Variants in ORC1 observed in about 807,000 individuals in gnomAD.
The protein encoded by ORC1 is origin recognition complex subunit 1.
A neutral mutation model predicts 98.9 loss-of-function variants in ORC1; 61 were observed. The observed-to-expected ratio is 0.62, with a 90% confidence interval of 0.50 to 0.76. The LOEUF (loss-of-function observed/expected upper bound fraction) is 0.76, where lower values mean the gene tolerates loss of function less well. ORC1 is among the 30% of genes least tolerant of loss of function. ORC1 has a pLI of 0.00. For missense variants in ORC1, 979 were observed against 1,072.2 expected (o/e 0.91, Z 1.21); for synonymous variants, 385 against 406.9 (o/e 0.95, Z 0.65).
upstream of ORC1, chr1:52,408,533 G>A (rs774802440): frequency 6.2e-7 from 1 of 1,613,526 alleles, no homozygotes; most frequent in East Asian, 2.2e-5. Context: ...GGAACTTCTA[G>A]GATGGCCTGT....
chr1:52,393,305 C>T, intron 6 of ORC1, 138 bp downstream of exon 6: 1 of 1,144,188 alleles, frequency 8.7e-7, no homozygotes. Flanking sequence ...GCCTAGAAAT[C>T]TGTATTTTAA....
intron 6 of ORC1, among the ~76,000 whole-genome samples, chr1:52,389,910 G>C (rs929079859): frequency 2.0e-5 from 3 of 152,056 alleles, no homozygotes; most frequent in South Asian, 2.1e-4. Flanking sequence ...GAAATAAAGG[G>C]CATCCGAATT....
chr1:52,405,609 C>A, upstream of ORC1: 2 of 1,466,836 alleles, frequency 1.4e-6, no homozygotes, highest in African/African-American at 1.4e-5. Context: ...AGAACCAAAG[C>A]TTGAACTAAC....
Position 52,393,531 on chromosome 1 carries a change from C to T in ORC1, c.994G>A (p.Glu332Lys). Residue 332 changes from glutamate to lysine, a missense_variant, in exon 6 of 17, where the codon GAG (glutamate) becomes AAG (lysine). By Grantham distance (56) the Glu-to-Lys change is moderately conservative (BLOSUM62 1). Transcript: ENST00000371568. ...CTGATAGGGGTAAGTGTTCTCTCCT[C>T]TCTAATGTCTATGGTTTTCGAAGCT... ...IAASKTIDIR[E>K]ERTLTPISGG... 6.2e-7 allele frequency: 1 copy of T among 1,614,158 alleles called. No homozygotes were observed. Among genetic ancestry groups the T allele is most frequent in the East Asian group, 2.2e-5 (1 of 44,890 alleles).
intron 6 of ORC1, among the ~76,000 whole-genome samples, chr1:52,393,062 AAAC>A (rs563090391): frequency 3.0e-4 from 46 of 152,352 alleles, no homozygotes; most frequent in South Asian, 1.9e-3. Context: ...AAATAAAATG[AAAC>A]AACAACAACA....
In ORC1 at chr1:52,396,063, T is replaced by C. The variant is rs755313491; in HGVS notation, c.704A>G (p.Lys235Arg). The C allele has an allele frequency of 1.9e-6, 3 of 1,614,062 alleles. No homozygotes were observed. Among genetic ancestry groups the C allele is most frequent in the South Asian group, 1.1e-5 (1 of 91,096 alleles). ...CAACTTACTGCCAAGCTCCAGCCTC[T>C]TTCTGGCTCTTGGGGTAAGAGGATG... ...PTHPLTPRAR[K>R]RLELGNLGNP... The change falls in exon 5 of 17, where the codon AAG becomes AGG. Residue 235 changes from lysine to arginine, a missense_variant. Transcript: ENST00000371568.
At chr1:52,386,679 C>T (rs1244528765) in intron 8 of ORC1, among the ~76,000 whole-genome samples, 2 of 152,316 alleles carry the variant, frequency 1.3e-5, no homozygotes, top group East Asian at 1.9e-4. Flanking sequence ...AAAGGCTTTA[C>T]AGGCTGGTGC....
At chr1:52,405,162 G>C (rs149870124), upstream of ORC1, among the ~76,000 whole-genome samples, 54 of 152,284 alleles carry the variant, frequency 3.5e-4, no homozygotes, top group African/African-American at 1.2e-3. Flanking sequence ...GTTAAGCTCA[G>C]GGATCCGGAT....
chr1:52,382,401 A>C (rs867351895), intron 13 of ORC1, among the ~76,000 whole-genome samples: 1 of 152,224 alleles, frequency 6.6e-6, no homozygotes, highest in Non-Finnish European at 1.5e-5. Context: ...GGATCTTCAG[A>C]TCTATGCTAT....
chr1:52,375,394 G>A (rs913131011), intron 15 of ORC1, 36 bp downstream of exon 15: 1 of 1,597,670 alleles, frequency 6.3e-7, no homozygotes, highest in South Asian at 1.1e-5. Flanking sequence ...TGTTTCTACA[G>A]CCTTCCAGGA....
upstream of ORC1, chr1:52,408,869 GTGTTGGCCT>G (rs1648072252): frequency 1.6e-6 from 1 of 644,798 alleles, no homozygotes; most frequent in South Asian, 2.2e-5. Context: ...TACTAGCTTC[GTGTTGGCCT>G]TACCCAGCCT....
upstream of ORC1, among the ~76,000 whole-genome samples, chr1:52,407,491 C>T (rs146445270): frequency 3.3e-5 from 5 of 152,338 alleles, no homozygotes; most frequent in East Asian, 9.6e-4. Context: ...ATGATTTGAC[C>T]AGTAGTGTCA....
intron 6 of ORC1, among the ~76,000 whole-genome samples, chr1:52,390,110 T>C (rs1029660644): frequency 2.0e-5 from 3 of 152,196 alleles, no homozygotes; most frequent in Non-Finnish European, 4.4e-5. Flanking sequence ...ATGACCACAA[T>C]GCAAAAGCAA....
At chr1:52,404,899 G>C, upstream of ORC1, 2 of 1,612,414 alleles carry the variant, frequency 1.2e-6, no homozygotes, top group Non-Finnish European at 1.7e-6. Context: ...AGCGCGCGGA[G>C]CGCCTCTCAG....
chr1:52,386,019 G>A (rs1347311666), intron 8 of ORC1, 70 bp from the exon 9 acceptor site: 1 of 1,110,020 alleles, frequency 9.0e-7, no homozygotes, highest in Non-Finnish European at 1.4e-6. Flanking sequence ...ACCAGCAAAT[G>A]TGATTTGTGC....
At chr1:52,397,382 A>G (rs1647452399) in intron 4 of ORC1, among the ~76,000 whole-genome samples, 1 of 152,194 alleles carries the variant, frequency 6.6e-6, no homozygotes, top group Admixed American at 6.5e-5. Context: ...TCAGCCTCAC[A>G]ATGCTTTATG....
At chr1:52,396,473 A>G (rs113201291) in intron 4 of ORC1, 109 bp from the exon 5 acceptor site, 1 of 1,357,884 alleles carries the variant, frequency 7.4e-7, no homozygotes. Context: ...CTGTACCTAA[A>G]ATGTTACCTT....
intron 13 of ORC1, among the ~76,000 whole-genome samples, chr1:52,382,522 T>C (rs540544730): frequency 6.6e-6 from 1 of 151,994 alleles, no homozygotes; most frequent in Non-Finnish European, 1.5e-5. Context: ...CCTGGTTTAT[T>C]GCATTATTCC....
chr1:52,378,953 A>G (rs1647028462), intron 14 of ORC1, among the ~76,000 whole-genome samples: 1 of 151,624 alleles, frequency 6.6e-6, no homozygotes, highest in African/African-American at 2.4e-5. Flanking sequence ...GAATGGCATG[A>G]ACCCAAGAGG....
Sources: allele counts gnomAD v4.1 joint callset (sites outside exome capture counted in the v4.1 genomes callset), GRCh38; gene constraint gnomAD v4.1.1; transcripts MANE v1.5; gene names NCBI Gene and HGNC (gene_info 2026-07-23, HGNC 2026-07-21).